EIF4E: variants seen among roughly 807,000 people sequenced by gnomAD.
The protein encoded by EIF4E is eukaryotic translation initiation factor 4E.
For missense variants in EIF4E, 113 were observed against 265.6 expected (o/e 0.43, Z 3.99); for synonymous variants, 71 against 88.5 (o/e 0.80, Z 1.11).
At chr4:98,908,339 C>T (rs568909459) in intron 1 of EIF4E, among the ~76,000 whole-genome samples, 9 of 152,266 alleles carry the variant, frequency 5.9e-5, no homozygotes, top group African/African-American at 1.7e-4. Flanking sequence ...TAAACGTGTT[C>T]GGTCAATGCT....
At chr4:98,928,763 C>T in intron 1 of EIF4E, 4 of 1,267,610 alleles carry the variant, frequency 3.2e-6, no homozygotes, top group Non-Finnish European at 4.2e-6. Flanking sequence ...GCCTTCCTAT[C>T]ATGAAGACAC....
intron 2 of EIF4E, among the ~76,000 whole-genome samples, chr4:98,896,627 G>A (rs1215100216): frequency 1.6e-5 from 2 of 126,318 alleles, no homozygotes; most frequent in Admixed American, 2.0e-4. Context: ...TCATGCCACT[G>A]CTCCCCAGTC....
chr4:98,929,062 C>A, intron 1 of EIF4E, 33 bp downstream of exon 1: 1 of 1,577,614 alleles, frequency 6.3e-7, no homozygotes. Context: ...AGCGCGGGGA[C>A]CCGTGGGGGT....
At chr4:98,899,926 T>C (rs1013653135) in intron 2 of EIF4E, among the ~76,000 whole-genome samples, 2 of 151,624 alleles carry the variant, frequency 1.3e-5, no homozygotes, top group Non-Finnish European at 2.9e-5. Flanking sequence ...ATACTTGCTA[T>C]TTTACACAAA....
At chr4:98,916,021 T>C (rs1267438050) in intron 1 of EIF4E, among the ~76,000 whole-genome samples, 1 of 151,164 alleles carries the variant, frequency 6.6e-6, no homozygotes, top group Admixed American at 6.6e-5. Flanking sequence ...TGAAAACTCG[T>C]CTCTACTAAA....
intron 1 of EIF4E, among the ~76,000 whole-genome samples, chr4:98,912,602 T>G (rs987896227): frequency 3.3e-5 from 5 of 151,476 alleles, no homozygotes; most frequent in Non-Finnish European, 7.4e-5. Flanking sequence ...AAAGAAAAAT[T>G]TACATACGTT....
chr4:98,912,902 T>A (rs1030186972), intron 1 of EIF4E, among the ~76,000 whole-genome samples: 3 of 152,168 alleles, frequency 2.0e-5, no homozygotes, highest in African/African-American at 7.2e-5. Flanking sequence ...AATGAGCAGT[T>A]ACTGTTAAAA....
chr4:98,890,353 A>C (rs1249736697), intron 3 of EIF4E, among the ~76,000 whole-genome samples: 1 of 152,236 alleles, frequency 6.6e-6, no homozygotes, highest in Non-Finnish European at 1.5e-5. Context: ...ACTGCTAGGT[A>C]ATTTAAAGTG....
chr4:98,885,615 T>C (rs1279426608), intron 5 of EIF4E, among the ~76,000 whole-genome samples: 3 of 152,020 alleles, frequency 2.0e-5, no homozygotes, highest in Non-Finnish European at 1.5e-5. Context: ...CCATACCCAG[T>C]TAATTTTTGT....
intron 1 of EIF4E, among the ~76,000 whole-genome samples, chr4:98,924,068 A>G (rs1257017002): frequency 6.7e-6 from 1 of 150,234 alleles, no homozygotes. Flanking sequence ...GATTAAGGAA[A>G]CTTCTTTTGT....
intron 5 of EIF4E, chr4:98,886,479 T>G (rs901828542): frequency 2.3e-6 from 1 of 444,072 alleles, no homozygotes; most frequent in African/African-American, 2.0e-5. Context: ...TTTGGGAGGC[T>G]GAAGTGGGAG....
chr4:98,898,117 G>A (rs747396216), intron 2 of EIF4E, among the ~76,000 whole-genome samples: 4 of 151,934 alleles, frequency 2.6e-5, no homozygotes, highest in Admixed American at 6.5e-5. Context: ...TACGAAAAAG[G>A]GGGGGGAAAA....
chr4:98,892,116 G>A (rs1724165457), intron 2 of EIF4E, among the ~76,000 whole-genome samples: 1 of 152,080 alleles, frequency 6.6e-6, no homozygotes, highest in Non-Finnish European at 1.5e-5. Context: ...GGAGGCTGAG[G>A]TGGGCGGATC....
intron 1 of EIF4E, among the ~76,000 whole-genome samples, chr4:98,909,114 G>A (rs6833074): frequency 0.045 from 6,874 of 152,112 alleles, 498 homozygotes; most frequent in African/African-American, 0.16. Flanking sequence ...AAAAAGGCAT[G>A]AATGGTACAC....
rs1723593945 is a variant in EIF4E, at chr4:98,879,700, C to G, written c.*1328G>C. The G allele has an allele frequency of 6.6e-6, 1 of 152,082 alleles. No individual in the cohort carries two copies. Among genetic ancestry groups the G allele is most frequent in the Admixed American group, 6.5e-5 (1 of 15,272 alleles). 9.4% of individuals were successfully genotyped at this position (152,082 alleles called of 1,614,324 possible). ...TTTGACACTTAACATAGAAACAACT[C>G]AATTCAGCAACCAAGTTTTACAACC... On this transcript the variant is annotated 3_prime_UTR_variant, in exon 7 of 7. Coordinates refer to ENST00000450253, the MANE Select transcript of EIF4E (RefSeq NM_001968.5).
intron 1 of EIF4E, among the ~76,000 whole-genome samples, chr4:98,923,449 G>C (rs976763950): frequency 1.3e-5 from 2 of 151,936 alleles, no homozygotes; most frequent in African/African-American, 4.8e-5. Flanking sequence ...CTGAGGCTAG[G>C]ACACAGGTGT....
intron 1 of EIF4E, among the ~76,000 whole-genome samples, chr4:98,922,138 G>A (rs1725668000): frequency 6.6e-6 from 1 of 152,168 alleles, no homozygotes; most frequent in Non-Finnish European, 1.5e-5. Flanking sequence ...TTGAAAGAGT[G>A]CAACGGTTAA....
chr4:98,917,570 G>A (rs1725440596), intron 1 of EIF4E, among the ~76,000 whole-genome samples: 1 of 151,980 alleles, frequency 6.6e-6, no homozygotes, highest in Non-Finnish European at 1.5e-5. Flanking sequence ...TAGCTTTTTA[G>A]TTTTTTCAAA....
chr4:98,910,722 C>T (rs900948759), intron 1 of EIF4E, among the ~76,000 whole-genome samples: 1 of 150,486 alleles, frequency 6.6e-6, no homozygotes, highest in African/African-American at 2.5e-5. Context: ...AGTTTTAAAA[C>T]TTGGATGGAT....
Sources: gnomAD v4.1 joint callset for allele counts (sites outside exome capture counted in the v4.1 genomes callset) on GRCh38, gnomAD v4.1.1 for gene constraint, MANE v1.5 for transcripts, NCBI Gene and HGNC (gene_info 2026-07-23, HGNC 2026-07-21) for gene names.